TBCD: variants seen among roughly 807,000 people sequenced by gnomAD.
TBCD encodes tubulin-specific chaperone D.
Under a neutral mutation model 169.3 loss-of-function variants are expected in TBCD, and 105 were observed. The ratio of observed to expected loss-of-function variants is 0.62; its 90% CI spans 0.53 to 0.73. The LOEUF (loss-of-function observed/expected upper bound fraction) is 0.73. Ranked by LOEUF, TBCD falls within the 30% of genes least tolerant of loss-of-function variation. TBCD has a pLI of 0.00. For missense variants in TBCD, 1,444 were observed against 1,600.1 expected (o/e 0.90, Z 1.66); for synonymous variants, 700 against 643.9 (o/e 1.09, Z -1.32).
At position 82,850,206 on chromosome 17, in the gene TBCD, T is replaced by TTGTTGGCTGTGCTGC. The variant is rs1204146936; in HGVS notation, c.1319-19988_1319-19974dup. On this transcript the variant is annotated intron_variant, in intron 13 of 38. Transcript: ENST00000355528. The stretch of plus-strand genomic sequence containing the variant: ...GGCTGTGCTGCTGTTGGCTGTGCTG[T>TTGTTGGCTGTGCTGC]TGTTGGCTGTGCTGCTGTTGGCTGT... Among the ~76,000 whole-genome samples the TTGTTGGCTGTGCTGC allele has an allele frequency of 5.9e-3, 127 of 21,412 alleles. 15 individuals are homozygous for TTGTTGGCTGTGCTGC. Among genetic ancestry groups the TTGTTGGCTGTGCTGC allele is most frequent in the African/African-American group, 0.021 (113 of 5,312 alleles). The allele number at this position is 21,412 out of a possible 152,430, so 14.0% of individuals were successfully genotyped here. A position where few individuals can be genotyped will look rare whatever the true frequency, so the allele number is the denominator to read the frequency against.
chr17:82,775,105 C>T (rs1598432570), intron 6 of TBCD, among the ~76,000 whole-genome samples: 2 of 152,206 alleles, frequency 1.3e-5, no homozygotes, highest in Non-Finnish European at 1.5e-5. Flanking sequence ...GAAAAGAGCG[C>T]GCTGGCTCGG....
At chr17:82,780,114 G>A (rs749427522) in intron 6 of TBCD, among the ~76,000 whole-genome samples, 1 of 152,206 alleles carries the variant, frequency 6.6e-6, no homozygotes, top group Non-Finnish European at 1.5e-5. Flanking sequence ...CCACTCGGCT[G>A]CTCTGCTTCG....
At chr17:82,772,303 T>C in intron 5 of TBCD, 149 bp from the exon 6 acceptor site, 1 of 767,666 alleles carries the variant, frequency 1.3e-6, no homozygotes, top group Non-Finnish European at 2.2e-6. Flanking sequence ...GAGGTTTTTT[T>C]TTGCAGCTTT....
chr17:82,801,216 C>T (rs919097158), intron 9 of TBCD, among the ~76,000 whole-genome samples: 3 of 152,028 alleles, frequency 2.0e-5, no homozygotes, highest in Admixed American at 1.3e-4. Flanking sequence ...GAGGGCAGGC[C>T]GAGCCGTAGG....
At position 82,832,236 on chromosome 17, in the gene TBCD, G is replaced by C; in HGVS notation, c.1318+17302G>C. On this transcript the variant is annotated intron_variant, in intron 13 of 38. Coordinates refer to ENST00000355528, the MANE Select transcript of TBCD (RefSeq NM_005993.5). This position sits in a 1 kb window ranked among gnomAD's most constrained non-coding sequence, Gnocchi z 4.9. ...TGGCATCGGGCTGGTTGGTTTGCTT[G>C]GGGTCTAGTGAGTTAGATTTAGGGC... The C allele has an allele frequency of 6.2e-7, 1 of 1,614,242 alleles. No individual in the cohort carries two copies. The highest frequency in any genetic ancestry group is 1.1e-5 in the South Asian group (1 of 91,082).
intron 34 of TBCD, 44 bp downstream of exon 34, chr17:82,932,779 G>A (rs750955217): frequency 2.8e-5 from 44 of 1,583,700 alleles, no homozygotes; most frequent in Non-Finnish European, 3.6e-5. Flanking sequence ...TTAAGCCTAA[G>A]TAGCTCATGT....
At chr17:82,850,418 C>A (rs1012506576) in intron 13 of TBCD, among the ~76,000 whole-genome samples, 16 of 89,600 alleles carry the variant, frequency 1.8e-4, no homozygotes, top group Admixed American at 9.5e-4. Context: ...GTTGGCTGTG[C>A]TGTTGGCTGT....
At chr17:82,824,618 G>C (rs971613342) in intron 13 of TBCD, among the ~76,000 whole-genome samples, 2 of 152,156 alleles carry the variant, frequency 1.3e-5, no homozygotes, top group African/African-American at 2.4e-5. Flanking sequence ...TCAGCCTCCT[G>C]AGTGGCTGTG....
chr17:82,918,576 C>T (rs575094585), intron 23 of TBCD: 2 of 152,270 alleles, frequency 1.3e-5, no homozygotes, highest in East Asian at 3.9e-4. Context: ...CTGTTGTGAA[C>T]AAGGTTGCCA....
intron 13 of TBCD, chr17:82,860,439 A>T (rs2056665355): frequency 1.0e-6 from 1 of 985,452 alleles, no homozygotes. Flanking sequence ...ACACAGGTGG[A>T]AGGAACCACG....
At position 82,850,122 on chromosome 17, in the gene TBCD, G is replaced by C. The variant is rs1273572539; in HGVS notation, c.1319-20102G>C. 1.1e-4 allele frequency among the ~76,000 whole-genome samples: 10 copies of C among 89,822 alleles called. 1 individual carries two copies. The highest frequency in any genetic ancestry group is 7.3e-4 in the East Asian group (2 of 2,750). The allele number at this position is 89,822 out of a possible 152,430, so 58.9% of individuals were successfully genotyped here. On this transcript the variant is annotated intron_variant, in intron 13 of 38. Coordinates refer to ENST00000355528, the MANE Select transcript of TBCD (RefSeq NM_005993.5). ...GCTGCTGTTGGCTGTGCTGCTGTTG[G>C]CTGTGTTGTTGTTGGCTGTGCTGTT...
At chr17:82,940,599 G>T (rs865977076) in intron 37 of TBCD, among the ~76,000 whole-genome samples, 5 of 152,186 alleles carry the variant, frequency 3.3e-5, no homozygotes, top group Admixed American at 2.0e-4. Context: ...CAGGGCTTCC[G>T]CGAGGTTTTC....
intron 33 of TBCD, among the ~76,000 whole-genome samples, chr17:82,931,250 C>T (rs1400102197): frequency 1.3e-5 from 2 of 152,256 alleles, no homozygotes; most frequent in Non-Finnish European, 2.9e-5. Context: ...ATGCCGCTCT[C>T]GGCAAACAGG....
intron 11 of TBCD, among the ~76,000 whole-genome samples, chr17:82,808,054 C>T (rs1161347452): frequency 3.9e-5 from 6 of 152,172 alleles, no homozygotes; most frequent in Non-Finnish European, 8.8e-5. Flanking sequence ...AGGTGCCAGT[C>T]CCTCATTCAC....
chr17:82,884,604 G>A lies in TBCD; in HGVS notation c.1533+402G>A, dbSNP rs989701527. ...GTGGCTTTGAGCCTCGGGAGGGGCT[G>A]TTGCGAGCAGTGGTCAGCTCTGCTT... On this transcript the variant is annotated intron_variant, in intron 15 of 38. Transcript: ENST00000355528. The surrounding 1 kb of genome is among the most constrained non-coding windows in gnomAD (Gnocchi z 4.2). Among the ~76,000 whole-genome samples the A allele has an allele frequency of 1.3e-5, 2 of 152,184 alleles. No homozygotes were observed. Among genetic ancestry groups the A allele is most frequent in the Non-Finnish European group, 2.9e-5 (2 of 68,020 alleles).
At chr17:82,860,632 T>C (rs1214612166) in intron 13 of TBCD, among the ~76,000 whole-genome samples, 1 of 152,158 alleles carries the variant, frequency 6.6e-6, no homozygotes, top group Non-Finnish European at 1.5e-5. Flanking sequence ...GCCACTGGCT[T>C]TGATGGATGA....
intron 21 of TBCD, among the ~76,000 whole-genome samples, chr17:82,908,853 G>C (rs8074371): frequency 0.48 from 73,707 of 152,194 alleles, 18,820 homozygotes; most frequent in African/African-American, 0.66. Context: ...GAATTTTTGG[G>C]ACAGTGTGAG....
At chr17:82,805,128 T>A (rs2050861764) in intron 9 of TBCD, among the ~76,000 whole-genome samples, 1 of 152,224 alleles carries the variant, frequency 6.6e-6, no homozygotes, top group South Asian at 2.1e-4. Context: ...GCGGGGGCCT[T>A]GCTCAGCGCA....
At position 82,935,393 on chromosome 17, in the gene TBCD, G is replaced by A. The variant is rs190727882; in HGVS notation, c.3192-1878G>A. Among the ~76,000 whole-genome samples the A allele has an allele frequency of 1.3e-3, 192 of 152,162 alleles. 4 individuals carry two copies. The South Asian group carries it at 0.016, about 13-fold the overall frequency. On this transcript the variant is annotated intron_variant, in intron 34 of 38. Coordinates refer to ENST00000355528, the MANE Select transcript of TBCD (RefSeq NM_005993.5). ...AAAATTCAGCCTGTAGCTTTTACCTGCCTCCTTCATGACCTTTATAATCCC... is the reference window on the plus strand; with the variant it reads ...AAAATTCAGCCTGTAGCTTTTACCTACCTCCTTCATGACCTTTATAATCCC...
Sources: gnomAD v4.1 joint callset for allele counts (sites outside exome capture counted in the v4.1 genomes callset) on GRCh38, gnomAD v4.1.1 for gene constraint, Gnocchi (gnomAD v3.1) non-coding constraint, MANE v1.5 for transcripts, NCBI Gene and HGNC (gene_info 2026-07-23, HGNC 2026-07-21) for gene names.